The following NRBP1 variants were observed in gnomAD, a reference collection of about 807,000 sequenced individuals.
NRBP1 encodes nuclear receptor-binding protein.
NRBP1 carries 10 observed loss-of-function variants against 76.0 expected under a neutral mutation model. That is an observed-to-expected ratio of 0.13 (90% CI 0.08 to 0.22). The LOEUF (loss-of-function observed/expected upper bound fraction) is 0.22, where lower values mean the gene tolerates loss of function less well. NRBP1 is among the 10% of genes least tolerant of loss of function. The probability of loss-of-function intolerance (pLI) is 1.00; values close to 1 mark genes in which losing one functional copy is unlikely to be tolerated. For synonymous variants in NRBP1, 235 were observed against 240.2 expected, an observed-to-expected ratio of 0.98 and a Z score of 0.20; for missense variants, 344 against 646.0, an observed-to-expected ratio of 0.53 and a Z score of 5.07.
intron 11 of NRBP1, 55 bp downstream of exon 11, chr2:27,439,953 A>G (rs1457614673): frequency 7.2e-7 from 1 of 1,395,376 alleles, no homozygotes; most frequent in Non-Finnish European, 9.7e-7. Context: ...CCCTGTAACT[A>G]TCACTGGCAT....
rs552642042 is a variant in NRBP1, at chr2:27,440,255, C to T, written c.1037-148C>T. The T allele has an allele frequency of 7.9e-4, 501 of 637,832 alleles. 5 individuals are homozygous for T. The East Asian group carries it at 0.011, about 14-fold the overall frequency. The allele number at this position is 637,832 out of a possible 1,614,324, so 39.5% of individuals were successfully genotyped here. On this transcript the variant is annotated intron_variant, in intron 11 of 17. Transcript: ENST00000379852. ...TTGAACTGGCGTCAAGTGATCTGTCCGCCTCGGCTTCCCAAAGTGCTGGGA... is the reference window on the plus strand; with the variant it reads ...TTGAACTGGCGTCAAGTGATCTGTCTGCCTCGGCTTCCCAAAGTGCTGGGA...
chr2:27,439,059 T>C (rs1296394437), intron 10 of NRBP1, among the ~76,000 whole-genome samples: 1 of 152,152 alleles, frequency 6.6e-6, no homozygotes, highest in African/African-American at 2.4e-5. Flanking sequence ...GATACTAGGC[T>C]TGTGAAATAA....
Position 27,440,828 on chromosome 2 carries a change from C to T in NRBP1, c.1217C>T (p.Ala406Val), listed in dbSNP as rs770079968. ...AGGAATGGGATCTATCCTCTGACAG[C>T]CTTTGGGCTGCCTCGGCCCCAGCAG... is the stretch of plus-strand genomic sequence containing the variant. ...DVRNGIYPLT[A>V]FGLPRPQQPQ... Residue 406 changes from alanine (A) to valine (V), a missense_variant, in exon 14 of 18, where the codon GCC becomes GTC. By Grantham distance (64) the Ala-to-Val change is moderately conservative. This residue lies in a region of NRBP1 where 218 missense variants were observed against 309.8 expected (regional missense o/e 0.70). Coordinates refer to ENST00000379852, the MANE Select transcript of NRBP1 (RefSeq NM_013392.4). 3 of 1,614,042 alleles carry T rather than the reference C, an allele frequency of 1.9e-6. No homozygotes were observed. Among genetic ancestry groups the T allele is most frequent in the African/African-American group, 1.3e-5 (1 of 75,028 alleles).
At chr2:27,440,967 C>T (rs749907997) in intron 14 of NRBP1, 27 bp downstream of exon 14, 8 of 1,612,492 alleles carry the variant, frequency 5.0e-6, no homozygotes, top group Non-Finnish European at 6.8e-6. Context: ...TGTGGATTGT[C>T]TCCATGGTTG....
intron 12 of NRBP1, 57 bp downstream of exon 12, chr2:27,440,565 C>G: frequency 6.3e-7 from 1 of 1,599,508 alleles, no homozygotes; most frequent in South Asian, 1.1e-5. Flanking sequence ...TCTTGAGGCT[C>G]TGTAAACTGT....
chr2:27,439,603 T>G (rs1194089883), intron 10 of NRBP1, among the ~76,000 whole-genome samples, 163 bp from the exon 11 acceptor site: 1 of 151,158 alleles, frequency 6.6e-6, no homozygotes, highest in Non-Finnish European at 1.5e-5. Flanking sequence ...ATCTTACAGT[T>G]TTTGAAGCCC....
At chr2:27,432,488 C>G (rs1190327143) in intron 1 of NRBP1, among the ~76,000 whole-genome samples, 1 of 151,814 alleles carries the variant, frequency 6.6e-6, no homozygotes, top group African/African-American at 2.4e-5. Context: ...AGACTGGGGT[C>G]TTTTTATGTT....
rs1222260624 is a variant in NRBP1 at position 27,433,670 on chromosome 2, C to T, written c.211-3C>T. 23 of 1,613,932 alleles carry T rather than the reference C, an allele frequency of 1.4e-5. No individual in the cohort carries two copies. The highest frequency in any genetic ancestry group is 1.9e-5 in the Non-Finnish European group (23 of 1,179,986). ...ATTCTCTTTCATATGAATTTCTTCT[C>T]AGGTGAATCAACGGAATGTACCAGG... On this transcript the variant is annotated splice_polypyrimidine_tract_variant and splice_region_variant and intron_variant, in intron 2 of 17. Coordinates refer to ENST00000379852, the MANE Select transcript of NRBP1 (RefSeq NM_013392.4).
At position 27,437,935 on chromosome 2, in the gene NRBP1, C is replaced by T. The variant is rs1335254048; in HGVS notation, c.903+575C>T. ...GGTGCAGTGGCTCACACCTGTAATCCCAGCACTTTGAGAGGCTGAGGCGGG... is the reference window on the plus strand; with the variant it reads ...GGTGCAGTGGCTCACACCTGTAATCTCAGCACTTTGAGAGGCTGAGGCGGG... On this transcript the variant is annotated intron_variant, in intron 10 of 17. Coordinates refer to ENST00000379852, the MANE Select transcript of NRBP1 (RefSeq NM_013392.4). Among the ~76,000 whole-genome samples, 4 of 151,444 alleles carry T rather than the reference C, an allele frequency of 2.6e-5. No homozygotes were observed. In the East Asian group the frequency reaches 7.7e-4, roughly 29 times the overall value.
intron 1 of NRBP1, 46 bp downstream of exon 1, chr2:27,428,777 G>C (rs1403137745): frequency 2.5e-6 from 1 of 398,068 alleles, no homozygotes; most frequent in Non-Finnish European, 4.4e-6. Flanking sequence ...GGGTTCGCGA[G>C]AGGACGGAAG....
chr2:27,432,217 G>A (rs1050344176), intron 1 of NRBP1, among the ~76,000 whole-genome samples: 4 of 152,196 alleles, frequency 2.6e-5, no homozygotes, highest in Non-Finnish European at 5.9e-5. Flanking sequence ...AAGCCTATTG[G>A]ATGAGTATTT....
Position 27,433,972 on chromosome 2 carries a change from G to C in NRBP1, c.334-17G>C. The C allele has an allele frequency of 1.9e-6, 3 of 1,609,822 alleles. No homozygotes were observed. Among genetic ancestry groups the C allele is most frequent in the Non-Finnish European group, 8.5e-7 (1 of 1,176,390 alleles). On this transcript the variant is annotated splice_polypyrimidine_tract_variant and intron_variant, in intron 3 of 17. Transcript: ENST00000379852. ...TGATTTGTGACTCTGTTATTCCACT[G>C]TCTCCCTTGCTTTCAGGAAAAGGTT... is the stretch of plus-strand genomic sequence containing the variant.
chr2:27,441,780 C>G lies in NRBP1; in HGVS notation c.1576C>G (p.Leu526Val), dbSNP rs1427251074. 1 of 1,613,652 alleles carries G rather than the reference C, an allele frequency of 6.2e-7. No individual in the cohort carries two copies. The highest frequency in any genetic ancestry group is 2.2e-5 in the East Asian group (1 of 44,872). Residue 526 changes from leucine to valine, a missense_variant, in exon 18 of 18, where the codon CTC (leucine) becomes GTC (valine). Leu to Val is a conservative substitution (Grantham distance 32, BLOSUM62 1). This residue lies in a region of NRBP1 where 218 missense variants were observed against 309.8 expected (regional missense o/e 0.70). Coordinates refer to ENST00000379852, the MANE Select transcript of NRBP1 (RefSeq NM_013392.4). The stretch of plus-strand genomic sequence containing the variant: ...GTTCAATTTTGCCAGGAACAGTACC[C>G]TCAACTCAGCCGCTGTCACCGTCTC... ...NKFNFARNST[L>V]NSAAVTVSS
chr2:27,436,472 G>T, intron 7 of NRBP1: 1 of 397,294 alleles, frequency 2.5e-6, no homozygotes, highest in South Asian at 3.4e-5. Context: ...ATTGCTTCTA[G>T]ACCAGCCTGA....
chr2:27,428,880 GC>G, intron 1 of NRBP1, 149 bp downstream of exon 1: 2 of 397,032 alleles, frequency 5.0e-6, no homozygotes. Flanking sequence ...ATCGGGCCCT[GC>G]CTGCTGGAGC....
chr2:27,441,061 A>G (rs1664527807), intron 14 of NRBP1, 66 bp from the exon 15 acceptor site: 7 of 1,609,058 alleles, frequency 4.4e-6, no homozygotes, highest in Non-Finnish European at 5.1e-6. Flanking sequence ...TATGGGCTCG[A>G]AAGACGTCTA....
intron 10 of NRBP1, among the ~76,000 whole-genome samples, 176 bp downstream of exon 10, chr2:27,437,536 C>T (rs573912233): frequency 1.3e-5 from 2 of 152,270 alleles, no homozygotes; most frequent in African/African-American, 4.8e-5. Flanking sequence ...CATAGAAACA[C>T]ACAGGTAAGG....
rs1383596198 is a variant in NRBP1 at position 27,439,852 on chromosome 2, G to A, written c.990G>A (p.Val330=). The part of the protein sequence containing the change: ...ELLFHPALFE[V]PSLKLLAAHC... ...TGTTCCACCCAGCATTGTTTGAAGT[G>A]CCCTCGCTCAAACTCCTTGCGGCCC... The change falls in exon 11 of 18, where the codon GTG becomes GTA. Residue 330 remains valine, a synonymous_variant. Transcript: ENST00000379852. 7 of 1,614,138 alleles carry A rather than the reference G, an allele frequency of 4.3e-6. No individual in the cohort carries two copies. Among genetic ancestry groups the A allele is most frequent in the Non-Finnish European group, 5.9e-6 (7 of 1,180,022 alleles).
Position 27,442,209 on chromosome 2 carries a change from ATTCGATTCGC to A in NRBP1, c.*398_*407del, listed in dbSNP as rs1664614928. ...GCTGCAGTGGTGGCCCTGGGGGGCC[ATTCGATTCGC>A]CTCAGTTGCTGCTGTAATAAAAGTC... On this transcript the variant is annotated 3_prime_UTR_variant, in exon 18 of 18. Coordinates refer to ENST00000379852, the MANE Select transcript of NRBP1 (RefSeq NM_013392.4). The A allele has an allele frequency of 1.9e-6, 1 of 539,902 alleles. No individual in the cohort carries two copies. Among genetic ancestry groups the A allele is most frequent in the African/African-American group, 2.0e-5 (1 of 49,168 alleles). The allele number at this position is 539,902 out of a possible 1,614,324, so 33.4% of individuals were successfully genotyped here.
Sources: gnomAD v4.1 joint callset for allele counts (sites outside exome capture counted in the v4.1 genomes callset) on GRCh38, gnomAD v4.1.1 for gene constraint, gnomAD v4.1.1 regional missense constraint, MANE v1.5 for transcripts, NCBI Gene and HGNC (gene_info 2026-07-23, HGNC 2026-07-21) for gene names.